The following NFATC3 variants were observed in gnomAD, a reference collection of about 807,000 sequenced individuals.
NFATC3 encodes nuclear factor of activated T-cells, cytoplasmic 3.
Under a neutral mutation model 98.6 loss-of-function variants are expected in NFATC3, and 46 were observed. That is an observed-to-expected ratio of 0.47 (90% CI 0.37 to 0.60). The LOEUF is 0.60. Among genes scored for constraint, NFATC3 ranks in the 20% least tolerant of loss-of-function variants. The pLI is 0.00. For missense variants in NFATC3, 1,256 were observed against 1,295.5 expected, an observed-to-expected ratio of 0.97 and a Z score of 0.47; for synonymous variants, 512 against 472.2, an observed-to-expected ratio of 1.08 and a Z score of -1.09.
intron 6 of NFATC3, among the ~76,000 whole-genome samples, chr16:68,180,044 A>G (rs1305355732): frequency 6.6e-6 from 1 of 152,202 alleles, no homozygotes; most frequent in Non-Finnish European, 1.5e-5. Flanking sequence ...ATTTCCGTGT[A>G]CGGTGGTTAG....
At chr16:68,171,092 C>T (rs1310656562) in intron 5 of NFATC3, among the ~76,000 whole-genome samples, 1 of 151,928 alleles carries the variant, frequency 6.6e-6, no homozygotes, top group Non-Finnish European at 1.5e-5. Context: ...ACTGCAACCT[C>T]TGCCTCCTGG....
chr16:68,207,252 G>T (rs1320923574), intron 9 of NFATC3, among the ~76,000 whole-genome samples: 1 of 151,674 alleles, frequency 6.6e-6, no homozygotes, highest in Non-Finnish European at 1.5e-5. Flanking sequence ...AAAGGTTGCA[G>T]TGAGCCGAGA....
rs1296831223 is a variant in NFATC3, at chr16:68,229,005, T to G, written c.*2534T>G. The G allele has an allele frequency of 1.3e-5, 2 of 152,272 alleles. No homozygotes were observed. The highest frequency in any genetic ancestry group is 2.4e-5 in the African/African-American group (1 of 41,478). 9.4% of individuals were successfully genotyped at this position (152,272 alleles called of 1,614,324 possible). The stretch of plus-strand genomic sequence containing the variant: ...CCTGGCTGTGAAGCCCTGTTTTTGG[T>G]ATTCAGAATGGATCTTTAAGGCTCA... On this transcript the variant is annotated 3_prime_UTR_variant, in exon 10 of 10. Coordinates refer to ENST00000346183, the MANE Select transcript of NFATC3 (RefSeq NM_173165.3).
At chr16:68,204,924 A>C (rs1177876017) in intron 9 of NFATC3, among the ~76,000 whole-genome samples, 2 of 151,938 alleles carry the variant, frequency 1.3e-5, no homozygotes, top group African/African-American at 4.8e-5. Context: ...TCTTGCTAAC[A>C]ATCATAGCTT....
intron 9 of NFATC3, among the ~76,000 whole-genome samples, chr16:68,224,273 T>C (rs1450314991): frequency 4.2e-5 from 6 of 144,544 alleles, no homozygotes; most frequent in African/African-American, 1.3e-4. Flanking sequence ...CTAAGCCAAA[T>C]CTTTTTTTTT....
chr16:68,158,119 C>G (rs757178428), intron 4 of NFATC3, 51 bp downstream of exon 4: 32 of 1,175,062 alleles, frequency 2.7e-5, no homozygotes, highest in Non-Finnish European at 3.4e-5. Flanking sequence ...TCTATACTTT[C>G]AGAAAAAAAG....
Position 68,226,559 on chromosome 16 carries a change from G to C in NFATC3, c.*88G>C. On this transcript the variant is annotated 3_prime_UTR_variant, in exon 10 of 10. Coordinates refer to ENST00000346183, the MANE Select transcript of NFATC3 (RefSeq NM_173165.3). ...TGGGTTTCCAACTCTGCAGCCTTCA[G>C]GTCTGGGGCCAGGAGTGGGACCCAC... The C allele has an allele frequency of 7.1e-7, 1 of 1,398,956 alleles. No individual in the cohort carries two copies. The highest frequency in any genetic ancestry group is 9.3e-7 in the Non-Finnish European group (1 of 1,069,730). The allele number at this position is 1,398,956 out of a possible 1,614,324, so 86.7% of individuals were successfully genotyped here.
In NFATC3 at chr16:68,126,522, A is replaced by G; in HGVS notation, c.1313A>G (p.Gln438Arg). ...FGQCELKIEVQPKTHHRAHYE... is the reference protein window; with the variant it reads ...FGQCELKIEVRPKTHHRAHYE... ...CAATGTGAACTGAAAATAGAAGTGC[A>G]ACCTAAAACTCATCATCGAGCCCAT... The change falls in exon 3 of 10, where the codon CAA becomes CGA. Residue 438 changes from glutamine to arginine, a missense_variant. Gln to Arg is a conservative substitution (Grantham distance 43). Transcript: ENST00000346183. The G allele has an allele frequency of 6.8e-6, 11 of 1,614,220 alleles. No homozygotes were observed. The highest frequency in any genetic ancestry group is 9.3e-6 in the Non-Finnish European group (11 of 1,180,032).
intron 1 of NFATC3, among the ~76,000 whole-genome samples, chr16:68,094,927 G>A (rs867795002): frequency 1.3e-5 from 2 of 152,050 alleles, no homozygotes; most frequent in African/African-American, 4.8e-5. Context: ...TTAACCTTGC[G>A]TTTCATTGAC....
chr16:68,195,896 C>T lies in NFATC3; in HGVS notation c.3106+4121C>T, dbSNP rs116268489. The stretch of plus-strand genomic sequence containing the variant: ...GTGATGGTAGTCTCACCCTGTCATC[C>T]GGTCTGAAGTGCAGTAGTGCAATCT... On this transcript the variant is annotated intron_variant, in intron 9 of 9. Transcript: ENST00000346183. Among the ~76,000 whole-genome samples the T allele has an allele frequency of 1.9e-3, 289 of 152,244 alleles. 2 individuals carry two copies. Among genetic ancestry groups the T allele is most frequent in the African/African-American group, 5.3e-3 (220 of 41,546 alleles).
chr16:68,104,027 C>T (rs2035509920), intron 1 of NFATC3, among the ~76,000 whole-genome samples: 1 of 152,112 alleles, frequency 6.6e-6, no homozygotes, highest in South Asian at 2.1e-4. Flanking sequence ...ATATTCTGGG[C>T]CCCTTGCATT....
At chr16:68,113,115 A>G (rs892043449) in intron 1 of NFATC3, among the ~76,000 whole-genome samples, 32 of 152,302 alleles carry the variant, frequency 2.1e-4, no homozygotes, top group African/African-American at 6.5e-4. Context: ...GCCTCAGCCC[A>G]GTTCTCTGCC....
At chr16:68,185,647 G>A (rs1022872009) in intron 8 of NFATC3, among the ~76,000 whole-genome samples, 5 of 152,012 alleles carry the variant, frequency 3.3e-5, no homozygotes, top group Non-Finnish European at 5.9e-5. Context: ...AGGCCGAGGT[G>A]GGCGGATCAT....
intron 8 of NFATC3, among the ~76,000 whole-genome samples, chr16:68,184,292 T>C (rs1598530331): frequency 6.6e-6 from 1 of 151,974 alleles, no homozygotes; most frequent in Non-Finnish European, 1.5e-5. Context: ...AAATGGGCCT[T>C]AGAGGGGAGA....
Position 68,226,414 on chromosome 16 carries a change from G to T in NFATC3, c.3171G>T (p.Arg1057Ser). The change falls in exon 10 of 10, where the codon AGG (arginine) becomes AGT (serine). Residue 1057 changes from arginine to serine, a missense_variant. By Grantham distance (110) the Arg-to-Ser change is moderately radical. This residue lies in a region of NFATC3 where 636 missense variants were observed against 617.3 expected (regional missense o/e 1.03). Coordinates refer to ENST00000346183, the MANE Select transcript of NFATC3 (RefSeq NM_173165.3). Reference protein sequence around the residue: ...ISVSQGAGVSRQAPLPSPESL... With the variant: ...ISVSQGAGVSSQAPLPSPESL... ...TTTCCCAAGGAGCAGGGGTGAGCAG[G>T]CAGGCTCCCCTCCCGAGTCCTGAGT... 1 of 1,570,722 alleles carries T rather than the reference G, an allele frequency of 6.4e-7. No homozygotes were observed. Among genetic ancestry groups the T allele is most frequent in the Non-Finnish European group, 8.6e-7 (1 of 1,162,846 alleles).
chr16:68,135,828 C>T (rs928338108), intron 3 of NFATC3, among the ~76,000 whole-genome samples: 7 of 151,938 alleles, frequency 4.6e-5, no homozygotes, highest in African/African-American at 1.2e-4. Context: ...TTTGGGAGGC[C>T]GAGGCAGGTG....
chr16:68,147,952 A>G (rs1567520503), intron 3 of NFATC3, among the ~76,000 whole-genome samples: 1 of 152,240 alleles, frequency 6.6e-6, no homozygotes, highest in South Asian at 2.1e-4. Flanking sequence ...ACAGATACAC[A>G]TAAAATATAT....
At position 68,140,685 on chromosome 16, in the gene NFATC3, T is replaced by G. The variant is rs188754709; in HGVS notation, c.1401+14075T>G. Among the ~76,000 whole-genome samples, 278 of 152,064 alleles carry G rather than the reference T, an allele frequency of 1.8e-3. 4 individuals carry two copies. The highest frequency in any genetic ancestry group is 6.3e-3 in the African/African-American group (262 of 41,494). ...AAATTGGAGATATTTTACCCAAAAGTCTGTTGAAATAAAAAAAAGGAGTAT... is the reference window on the plus strand; with the variant it reads ...AAATTGGAGATATTTTACCCAAAAGGCTGTTGAAATAAAAAAAAGGAGTAT... On this transcript the variant is annotated intron_variant, in intron 3 of 9. Coordinates refer to ENST00000346183, the MANE Select transcript of NFATC3 (RefSeq NM_173165.3).
Position 68,226,427 on chromosome 16 carries a change from C to T in NFATC3, c.3184C>T (p.Pro1062Ser), listed in dbSNP as rs1332237483. 3.8e-6 allele frequency: 6 copies of T among 1,567,636 alleles called. No homozygotes were observed. Among genetic ancestry groups the T allele is most frequent in the Non-Finnish European group, 5.2e-6 (6 of 1,161,628 alleles). ...AGGGGTGAGCAGGCAGGCTCCCCTC[C>T]CGAGTCCTGAGTCCCTGGATTTAGG... ...GAGVSRQAPL[P>S]SPESLDLGRS... Residue 1062 changes from proline to serine, a missense_variant, in exon 10 of 10, where the codon CCG becomes TCG. Transcript: ENST00000346183.
Sources: allele counts gnomAD v4.1 joint callset (sites outside exome capture counted in the v4.1 genomes callset), GRCh38; gene constraint gnomAD v4.1.1; regional missense constraint gnomAD v4.1.1; transcripts MANE v1.5; gene names NCBI Gene and HGNC (gene_info 2026-07-23, HGNC 2026-07-21).